Variants in ZNF280D observed in about 807,000 individuals in gnomAD.
The protein encoded by ZNF280D is zinc finger protein 280D.
In ZNF280D, 39 loss-of-function variants were observed where a neutral mutation model predicts 94.7. The ratio of observed to expected loss-of-function variants is 0.41; its 90% CI spans 0.32 to 0.54. The LOEUF (loss-of-function observed/expected upper bound fraction) is 0.54, where lower values mean the gene tolerates loss of function less well. ZNF280D is among the 20% of genes least tolerant of loss of function. The pLI is 0.22. For synonymous variants in ZNF280D, 398 were observed against 377.6 expected, an observed-to-expected ratio of 1.05 and a Z score of -0.63; for missense variants, 1,090 against 1,149.3, an observed-to-expected ratio of 0.95 and a Z score of 0.75.
At chr15:56,710,476 G>C (rs17238880) in intron 1 of ZNF280D, among the ~76,000 whole-genome samples, 1 of 151,260 alleles carries the variant, frequency 6.6e-6, no homozygotes, top group Non-Finnish European at 1.5e-5. Flanking sequence ...TACTAACTCA[G>C]GTACAGATTA....
intron 16 of ZNF280D, among the ~76,000 whole-genome samples, chr15:56,663,478 T>C (rs1217459270): frequency 6.6e-6 from 1 of 151,884 alleles, no homozygotes; most frequent in African/African-American, 2.4e-5. Flanking sequence ...CAGGCTTCTG[T>C]ATATATAAAC....
chr15:56,652,836 T>A (rs1894020999), intron 19 of ZNF280D: 1 of 983,760 alleles, frequency 1.0e-6, no homozygotes, highest in Non-Finnish European at 1.2e-6. Context: ...ATGGGCTTAG[T>A]AACAGCCAAA....
intron 13 of ZNF280D, among the ~76,000 whole-genome samples, chr15:56,669,983 AT>A (rs34006468): frequency 1.0e-3 from 3 of 2,878 alleles, no homozygotes; most frequent in African/African-American, 4.2e-3. Context: ...TAATATATAT[AT>A]TATATATATA....
At position 56,654,522 on chromosome 15, in the gene ZNF280D, A is replaced by G. The variant is rs150503404; in HGVS notation, c.2058-19T>C. The G allele has an allele frequency of 1.5e-5, 24 of 1,555,424 alleles. No homozygotes were observed. The Admixed American group carries it at 3.1e-4, about 20-fold the overall frequency. ...AATGCCCCTAAAAAAAAAAGCATTA[A>G]AAAAAGATTTTTATCTTTTATGAAA... On this transcript the variant is annotated intron_variant, in intron 17 of 21. Coordinates refer to ENST00000267807, the MANE Select transcript of ZNF280D (RefSeq NM_017661.4).
intron 4 of ZNF280D, among the ~76,000 whole-genome samples, chr15:56,702,727 C>T (rs1275264843): frequency 2.6e-5 from 4 of 152,214 alleles, no homozygotes; most frequent in African/African-American, 7.2e-5. Context: ...ACTTAGCATT[C>T]CATGAGAGAT....
rs558341246 is a variant in ZNF280D, at chr15:56,688,250, T to TA, written c.780+790dup. ...CTCAAATTCTGTAATCCCAGCACTT[T>TA]AGGAGGTTGAGGCGGGCGGATCACG... On this transcript the variant is annotated intron_variant, in intron 9 of 21. Coordinates refer to ENST00000267807, the MANE Select transcript of ZNF280D (RefSeq NM_017661.4). Among the ~76,000 whole-genome samples, 48 of 152,226 alleles carry TA rather than the reference T, an allele frequency of 3.2e-4. No individual in the cohort carries two copies. In the South Asian group the frequency reaches 7.9e-3, roughly 25 times the overall value.
chr15:56,727,590 A>C lies in ZNF280D; in HGVS notation c.-86+5868T>G, dbSNP rs144815234. ...TCAACTCAAAATAATCCTCATGCGTAAGTGGCAGATTCTGATCCCCTTCAT... is the reference window on the plus strand; with the variant it reads ...TCAACTCAAAATAATCCTCATGCGTCAGTGGCAGATTCTGATCCCCTTCAT... On this transcript the variant is annotated intron_variant, in intron 1 of 21. Coordinates refer to ENST00000267807, the MANE Select transcript of ZNF280D (RefSeq NM_017661.4). Among the ~76,000 whole-genome samples the C allele has an allele frequency of 3.1e-3, 475 of 152,338 alleles. 3 individuals are homozygous for C. Among genetic ancestry groups the C allele is most frequent in the Middle Eastern group, 6.8e-3 (2 of 294 alleles).
chr15:56,653,590 G>A (rs1166656509), intron 19 of ZNF280D: 2 of 1,485,068 alleles, frequency 1.3e-6, no homozygotes, highest in African/African-American at 1.4e-5. Context: ...TCTCTGGGCT[G>A]CTTCTGCATC....
chr15:56,730,969 T>A (rs1270109350), intron 1 of ZNF280D, among the ~76,000 whole-genome samples: 5 of 152,198 alleles, frequency 3.3e-5, no homozygotes, highest in African/African-American at 1.2e-4. Flanking sequence ...GGATTATTAA[T>A]AAGACAAGCC....
intron 16 of ZNF280D, among the ~76,000 whole-genome samples, chr15:56,660,371 T>C (rs1464652572): frequency 5.9e-5 from 9 of 152,136 alleles, no homozygotes; most frequent in Non-Finnish European, 1.0e-4. Flanking sequence ...TCTGCATTTG[T>C]CTACAACTTA....
intron 10 of ZNF280D, among the ~76,000 whole-genome samples, chr15:56,679,495 A>C (rs1487022884): frequency 6.6e-6 from 1 of 152,214 alleles, no homozygotes; most frequent in East Asian, 1.9e-4. Flanking sequence ...CTTTGTAGGC[A>C]ACATACATTT....
At chr15:56,643,298 AC>A (rs1188459745) in intron 19 of ZNF280D, among the ~76,000 whole-genome samples, 1 of 151,836 alleles carries the variant, frequency 6.6e-6, no homozygotes, top group Non-Finnish European at 1.5e-5. Context: ...TAAAAGACAT[AC>A]ACATTAGTAA....
chr15:56,701,105 T>A, intron 5 of ZNF280D, 33 bp from the exon 6 acceptor site: 1 of 1,612,324 alleles, frequency 6.2e-7, no homozygotes, highest in Non-Finnish European at 8.5e-7. Flanking sequence ...ATATGGAAAT[T>A]ATTTGTACAT....
intron 16 of ZNF280D, 126 bp downstream of exon 16, chr15:56,666,269 T>C: frequency 1.1e-6 from 1 of 899,770 alleles, no homozygotes. Flanking sequence ...AAAAGTTCCT[T>C]ATTGTTAGAT....
intron 7 of ZNF280D, among the ~76,000 whole-genome samples, chr15:56,689,708 C>T (rs1463051537): frequency 6.6e-6 from 1 of 151,466 alleles, no homozygotes; most frequent in Non-Finnish European, 1.5e-5. Flanking sequence ...AAAGAAAATT[C>T]TAAATATGGC....
rs760590491 is a variant in ZNF280D, at chr15:56,676,818, TA to T, written c.1264-3del. 7.0e-6 allele frequency: 11 copies of T among 1,577,370 alleles called. No homozygotes were observed. In the Admixed American group the frequency reaches 1.3e-4, roughly 19 times the overall value. On this transcript the variant is annotated splice_region_variant and splice_polypyrimidine_tract_variant and intron_variant, in intron 12 of 21. Transcript: ENST00000267807. The stretch of plus-strand genomic sequence containing the variant: ...TGATGATGATCTATAATTACAAACC[TA>T]AAAAAAGAAAGAAGGCTTAGTTTAA...
At chr15:56,715,148 C>A (rs953679592) in intron 1 of ZNF280D, among the ~76,000 whole-genome samples, 1 of 151,876 alleles carries the variant, frequency 6.6e-6, no homozygotes, top group Non-Finnish European at 1.5e-5. Context: ...AGCCTATGAA[C>A]CAAAAAGTTA....
intron 1 of ZNF280D, chr15:56,733,126 A>C (rs2058980188): frequency 6.5e-6 from 1 of 153,012 alleles, no homozygotes; most frequent in Admixed American, 6.5e-5. Flanking sequence ...GAGAAAAGCC[A>C]AAACCAGGCT....
At chr15:56,724,679 T>C (rs1453613512) in intron 1 of ZNF280D, among the ~76,000 whole-genome samples, 1 of 152,208 alleles carries the variant, frequency 6.6e-6, no homozygotes, top group Non-Finnish European at 1.5e-5. Flanking sequence ...TGCAAAGAAG[T>C]ATTTGTTCTG....
Sources: allele counts gnomAD v4.1 joint callset (sites outside exome capture counted in the v4.1 genomes callset), GRCh38; gene constraint gnomAD v4.1.1; transcripts MANE v1.5; gene names NCBI Gene and HGNC (gene_info 2026-07-23, HGNC 2026-07-21).